Variants in TRIM33 observed in about 807,000 individuals in gnomAD.
TRIM33 encodes tripartite motif containing 33.
TRIM33 carries 20 observed loss-of-function variants against 125.4 expected under a neutral mutation model. The observed-to-expected ratio is 0.16, with a 90% CI of 0.11 to 0.23. TRIM33 has a LOEUF of 0.23. Among genes scored for constraint, TRIM33 ranks in the 10% least tolerant of loss-of-function variants. The probability of loss-of-function intolerance (pLI) is 1.00; values close to 1 mark genes in which losing one functional copy is unlikely to be tolerated. For synonymous variants in TRIM33, 564 were observed against 513.9 expected (o/e 1.10, Z -1.32); for missense variants, 920 against 1,411.4 (o/e 0.65, Z 5.58).
chr1:114,440,878 G>T (rs1648610240), intron 4 of TRIM33, among the ~76,000 whole-genome samples: 1 of 152,208 alleles, frequency 6.6e-6, no homozygotes, highest in Non-Finnish European at 1.5e-5. Flanking sequence ...GAATATGTGA[G>T]GAGATTACTG....
At chr1:114,433,122 T>C (rs1031570179) in intron 5 of TRIM33, among the ~76,000 whole-genome samples, 5 of 152,212 alleles carry the variant, frequency 3.3e-5, no homozygotes, top group South Asian at 2.1e-4. Flanking sequence ...AAATAATAAA[T>C]GGTGATGATA....
chr1:114,460,026 C>G (rs1193954296), intron 4 of TRIM33: 4 of 164,936 alleles, frequency 2.4e-5, no homozygotes, highest in Non-Finnish European at 5.4e-5. Context: ...AGATTATGTC[C>G]TCCCCTCTTT....
intron 11 of TRIM33, 36 bp downstream of exon 11, chr1:114,421,400 A>G (rs1193040021): frequency 1.3e-6 from 2 of 1,554,156 alleles, no homozygotes; most frequent in Non-Finnish European, 1.8e-6. Context: ...AATTAACATT[A>G]AGTTTAATGA....
rs1381616107 is a variant in TRIM33 at position 114,421,442 on chromosome 1, G to A, written c.2055C>T (p.Pro685=). The A allele has an allele frequency of 7.4e-6, 12 of 1,613,340 alleles. No individual in the cohort carries two copies. The highest frequency in any genetic ancestry group is 8.5e-6 in the Non-Finnish European group (10 of 1,179,424). ...ATTCAACTCAAATACAAACCTGTAT[G>A]GGTGGAATATCTGGCAGCGATGGAA... ...ENLPSLPDIP[P]IQLEDAGSSS... Residue 685 remains proline (P), a synonymous_variant, in exon 11 of 20, where the codon CCC becomes CCT. Transcript: ENST00000358465.
chr1:114,410,269 G>A lies in TRIM33; in HGVS notation c.2109C>T (p.Tyr703=), dbSNP rs758510801. The change falls in exon 12 of 20, where the codon TAC becomes TAT. Residue 703 remains tyrosine, a synonymous_variant. Coordinates refer to ENST00000358465, the MANE Select transcript of TRIM33 (RefSeq NM_015906.4). ...GTGGGGGTAGGTGACTGCCTGAGATGTATCTACTTAGTAGATTATCTAAAC... is the reference window on the plus strand; with the variant it reads ...GTGGGGGTAGGTGACTGCCTGAGATATATCTACTTAGTAGATTATCTAAAC... ...SSSLDNLLSR[Y]ISGSHLPPQP... 1.2e-6 allele frequency: 2 copies of A among 1,613,606 alleles called. No homozygotes were observed. Among genetic ancestry groups the A allele is most frequent in the Non-Finnish European group, 1.7e-6 (2 of 1,179,646 alleles).
chr1:114,401,325 C>T, intron 17 of TRIM33, 64 bp downstream of exon 17: 1 of 1,419,710 alleles, frequency 7.0e-7, no homozygotes, highest in Non-Finnish European at 9.7e-7. Flanking sequence ...CGCCCGGCCG[C>T]CAGAGCCCAT....
intron 16 of TRIM33, 125 bp downstream of exon 16, chr1:114,402,635 C>G (rs1020313319): frequency 9.0e-7 from 1 of 1,106,340 alleles, no homozygotes; most frequent in African/African-American, 1.6e-5. Context: ...AATATACCAT[C>G]AGATGACAGG....
chr1:114,435,838 T>C (rs1648243755), intron 4 of TRIM33, among the ~76,000 whole-genome samples: 1 of 148,268 alleles, frequency 6.7e-6, no homozygotes, highest in Non-Finnish European at 1.5e-5. Context: ...GCAATCCTCC[T>C]GCATCATTCT....
Position 114,425,521 on chromosome 1 carries a change from T to A in TRIM33, c.1623A>T (p.Ala541=). ...LQQMRMQQPP[A]PVPTTTTTTQ... ...TTGTTGTTGTTGTAGTTGGTACAGGTGCTGGTGGTTGCTGCATCCTCATCT... is the reference window on the plus strand; with the variant it reads ...TTGTTGTTGTTGTAGTTGGTACAGGAGCTGGTGGTTGCTGCATCCTCATCT... The change falls in exon 9 of 20, where the codon GCA becomes GCT. Residue 541 remains alanine (A), a synonymous_variant. Transcript: ENST00000358465. 6.2e-7 allele frequency: 1 copy of A among 1,614,154 alleles called. No homozygotes were observed. Among genetic ancestry groups the A allele is most frequent in the Non-Finnish European group, 8.5e-7 (1 of 1,180,022 alleles).
At chr1:114,413,425 G>A (rs566496759) in intron 11 of TRIM33, among the ~76,000 whole-genome samples, 21 of 151,810 alleles carry the variant, frequency 1.4e-4, no homozygotes, top group Non-Finnish European at 2.2e-4. Context: ...GTGCATGGTG[G>A]TGCATGCCTG....
intron 1 of TRIM33, among the ~76,000 whole-genome samples, chr1:114,471,080 T>C (rs1650610934): frequency 6.6e-6 from 1 of 152,168 alleles, no homozygotes; most frequent in Non-Finnish European, 1.5e-5. Context: ...ACTACAGACA[T>C]GAGCCACTGC....
chr1:114,500,667 A>C (rs564344369), intron 1 of TRIM33, among the ~76,000 whole-genome samples: 16 of 151,988 alleles, frequency 1.1e-4, no homozygotes, highest in Non-Finnish European at 1.9e-4. Flanking sequence ...AAGATGACCA[A>C]GGTATACGTA....
At chr1:114,506,668 A>G (rs1653023419) in intron 1 of TRIM33, among the ~76,000 whole-genome samples, 1 of 152,176 alleles carries the variant, frequency 6.6e-6, no homozygotes, top group Non-Finnish European at 1.5e-5. Flanking sequence ...GTATAAATGT[A>G]TATATACCCA....
chr1:114,493,554 T>C (rs892481002), intron 1 of TRIM33, among the ~76,000 whole-genome samples: 8 of 152,150 alleles, frequency 5.3e-5, no homozygotes, highest in East Asian at 1.9e-4. Context: ...CAAAGTGCTA[T>C]GATTACATGC....
At chr1:114,427,932 T>C in intron 6 of TRIM33, 38 bp from the exon 7 acceptor site, 2 of 1,603,570 alleles carry the variant, frequency 1.2e-6, no homozygotes, top group South Asian at 1.1e-5. Flanking sequence ...GAATTCCATA[T>C]GAAAAAAAAT....
intron 1 of TRIM33, among the ~76,000 whole-genome samples, chr1:114,508,765 T>C (rs1219873671): frequency 2.0e-5 from 3 of 152,138 alleles, no homozygotes; most frequent in African/African-American, 7.2e-5. Flanking sequence ...CACTATTAGT[T>C]ACTACTATTA....
In TRIM33 at chr1:114,453,044, G is replaced by A. The variant is rs943593995; in HGVS notation, c.923+10060C>T. Reference sequence around the variant, plus strand: ...AGGGGGTGTTGGTAGGGAGGGAAAAGAATGGAGCAGAAAGCGTTAGTTAAG... The same window carrying A: ...AGGGGGTGTTGGTAGGGAGGGAAAAAAATGGAGCAGAAAGCGTTAGTTAAG... On this transcript the variant is annotated intron_variant, in intron 4 of 19. Transcript: ENST00000358465. Among the ~76,000 whole-genome samples, 4 of 152,228 alleles carry A rather than the reference G, an allele frequency of 2.6e-5. No homozygotes were observed. In the East Asian group the frequency reaches 7.7e-4, roughly 29 times the overall value.
Position 114,436,400 on chromosome 1 carries a change from CAAAAAAAAAAAA to C in TRIM33, c.924-2679_924-2668del, listed in dbSNP as rs765728045. Among the ~76,000 whole-genome samples the C allele has an allele frequency of 5.1e-4, 21 of 40,852 alleles. 1 individual carries two copies. Among genetic ancestry groups the C allele is most frequent in the African/African-American group, 1.6e-3 (19 of 12,086 alleles). The allele number at this position is 40,852 out of a possible 152,430, so 26.8% of individuals were successfully genotyped here. A position where few individuals can be genotyped will look rare whatever the true frequency, so the allele number is the denominator to read the frequency against. On this transcript the variant is annotated intron_variant, in intron 4 of 19. Coordinates refer to ENST00000358465, the MANE Select transcript of TRIM33 (RefSeq NM_015906.4). ...CTGGTGACAGAGTGAGACTCTGTCT[CAAAAAAAAAAAA>C]AAAAAAAAAAAAGATACTAATAGCA... is the stretch of plus-strand genomic sequence containing the variant.
chr1:114,401,351 G>A (rs1339879701), intron 17 of TRIM33, 38 bp downstream of exon 17: 5 of 1,574,144 alleles, frequency 3.2e-6, no homozygotes, highest in Non-Finnish European at 4.4e-6. Flanking sequence ...TAAGTATTAT[G>A]AGACTTCCCC....
Sources: gnomAD v4.1 joint callset for allele counts (sites outside exome capture counted in the v4.1 genomes callset) on GRCh38, gnomAD v4.1.1 for gene constraint, MANE v1.5 for transcripts, NCBI Gene and HGNC (gene_info 2026-07-23, HGNC 2026-07-21) for gene names.